Variants in SFI1 observed in about 807,000 individuals in gnomAD.
The protein encoded by SFI1 is protein SFI1 homolog.
SFI1 carries 195 observed loss-of-function variants against 207.5 expected under a neutral mutation model. The ratio of observed to expected loss-of-function variants is 0.94; its 90% CI spans 0.84 to 1.06. The LOEUF is 1.06. Ranked by LOEUF, SFI1 falls within the 50% of genes least tolerant of loss-of-function variation. The pLI is 0.00. For missense variants in SFI1, 1,634 were observed against 1,588.0 expected, an observed-to-expected ratio of 1.03 and a Z score of -0.49; for synonymous variants, 630 against 598.9, an observed-to-expected ratio of 1.05 and a Z score of -0.76.
chr22:31,520,892 T>G (rs2057147980), intron 2 of SFI1, among the ~76,000 whole-genome samples: 2 of 149,964 alleles, frequency 1.3e-5, no homozygotes. Context: ...TAGTACCAGC[T>G]GCTCAGGAGT....
intron 4 of SFI1, among the ~76,000 whole-genome samples, chr22:31,543,212 C>T (rs1217123240): frequency 2.0e-5 from 3 of 147,874 alleles, no homozygotes; most frequent in Admixed American, 6.7e-5. Context: ...CCTCATGATC[C>T]ACCCGCCTTG....
chr22:31,555,462 T>C (rs2061074485), intron 6 of SFI1, among the ~76,000 whole-genome samples: 1 of 152,214 alleles, frequency 6.6e-6, no homozygotes, highest in African/African-American at 2.4e-5. Context: ...CATTCACTCT[T>C]GGACTGTTAA....
chr22:31,509,390 G>T (rs2055157262), intron 2 of SFI1, among the ~76,000 whole-genome samples: 1 of 152,234 alleles, frequency 6.6e-6, no homozygotes, highest in Admixed American at 6.5e-5. Flanking sequence ...CCAAAGGCTT[G>T]TGAGCCCCTG....
At position 31,603,834 on chromosome 22, in the gene SFI1, C is replaced by T. The variant is rs765729934; in HGVS notation, c.1881+15C>T. The T allele has an allele frequency of 7.6e-6, 12 of 1,572,822 alleles. No homozygotes were observed. The highest frequency in any genetic ancestry group is 2.4e-5 in the East Asian group (1 of 41,508). ...AGTGGAGGGAGGTAAGGCTTTGGTGCGAGGTGCCACCCGTGTATGACTTTT... is the reference window on the plus strand; with the variant it reads ...AGTGGAGGGAGGTAAGGCTTTGGTGTGAGGTGCCACCCGTGTATGACTTTT... On this transcript the variant is annotated intron_variant, in intron 18 of 32. Coordinates refer to ENST00000400288, the MANE Select transcript of SFI1 (RefSeq NM_001007467.3).
intron 19 of SFI1, 100 bp from the exon 20 acceptor site, chr22:31,604,769 C>G: frequency 9.1e-7 from 1 of 1,101,908 alleles, no homozygotes; most frequent in Non-Finnish European, 1.3e-6. Flanking sequence ...TTTGAGTTCT[C>G]TGGGCATGGC....
At chr22:31,589,396 GT>G in intron 14 of SFI1, 50 bp from the exon 15 acceptor site, 1 of 1,459,276 alleles carries the variant, frequency 6.9e-7, no homozygotes, top group Non-Finnish European at 9.1e-7. Flanking sequence ...GAGAGGTCAT[GT>G]TTAAAAAAAA....
At chr22:31,574,110 TTTAAC>T (rs1408752734) in intron 9 of SFI1, among the ~76,000 whole-genome samples, 2 of 152,218 alleles carry the variant, frequency 1.3e-5, no homozygotes, top group South Asian at 2.1e-4. Flanking sequence ...TAGTACACTT[TTTAAC>T]TTAAGTTTAT....
intron 2 of SFI1, among the ~76,000 whole-genome samples, chr22:31,521,002 C>CAAAAAA (rs57346699): frequency 6.3e-5 from 3 of 47,486 alleles, no homozygotes; most frequent in African/African-American, 1.7e-4. Context: ...GACCCTGTCT[C>CAAAAAA]AAAAAAAAAA....
At chr22:31,616,948 C>G (rs2071645805) in intron 30 of SFI1, 52 bp from the exon 31 acceptor site, 1 of 1,613,220 alleles carries the variant, frequency 6.2e-7, no homozygotes, top group African/African-American at 1.3e-5. Flanking sequence ...GCTATTTACC[C>G]TGGTCCCCGA....
At chr22:31,602,324 A>G (rs769706378) in intron 16 of SFI1, 31 bp downstream of exon 16, 2 of 1,597,826 alleles carry the variant, frequency 1.3e-6, no homozygotes, top group Non-Finnish European at 8.6e-7. Context: ...AGATGTGTGG[A>G]GGGGCAGGAT....
intron 8 of SFI1, among the ~76,000 whole-genome samples, chr22:31,571,941 AT>A (rs987911310): frequency 5.9e-5 from 9 of 152,034 alleles, no homozygotes; most frequent in African/African-American, 1.7e-4. Context: ...GCACATTGAT[AT>A]GCTGATTTCA....
intron 7 of SFI1, among the ~76,000 whole-genome samples, chr22:31,558,269 G>A (rs73400214): frequency 6.6e-6 from 1 of 152,158 alleles, no homozygotes; most frequent in Non-Finnish European, 1.5e-5. Context: ...GTTCAAACCT[G>A]TAATCCCAAC....
rs138663030 is a variant in SFI1, at chr22:31,507,649, A to G, written c.-30-606A>G. The stretch of plus-strand genomic sequence containing the variant: ...TCTAACATCTAGCATTTACAACATT[A>G]TGAGATAAAAACAGCCCCATTAAGA... On this transcript the variant is annotated intron_variant, in intron 1 of 32. Transcript: ENST00000400288. Among the ~76,000 whole-genome samples the G allele has an allele frequency of 2.6e-5, 4 of 152,316 alleles. No homozygotes were observed. The East Asian group carries it at 7.7e-4, about 29-fold the overall frequency.
intron 4 of SFI1, among the ~76,000 whole-genome samples, chr22:31,543,250 G>T (rs1430106468): frequency 6.6e-5 from 10 of 152,096 alleles, no homozygotes; most frequent in Non-Finnish European, 2.9e-5. Context: ...GATTACAGGC[G>T]TGACCTAATT....
intron 8 of SFI1, among the ~76,000 whole-genome samples, chr22:31,568,175 GTGTGTGTGTGTGTGTGTGT>G (rs1390996740): frequency 7.4e-4 from 88 of 119,514 alleles, no homozygotes; most frequent in Admixed American, 1.4e-3. Context: ...ATGTGTGTGT[GTGTGTGTGTGTGTGTGTGT>G]TGTGTGTGTG....
intron 4 of SFI1, among the ~76,000 whole-genome samples, chr22:31,541,142 C>T (rs902906183): frequency 6.6e-6 from 1 of 152,158 alleles, no homozygotes; most frequent in Non-Finnish European, 1.5e-5. Context: ...CACAGCTCCT[C>T]GCCTCCTGAT....
At chr22:31,536,989 A>G (rs2059057627) in intron 4 of SFI1, among the ~76,000 whole-genome samples, 1 of 151,354 alleles carries the variant, frequency 6.6e-6, no homozygotes, top group South Asian at 2.1e-4. Context: ...CACTCAAGCG[A>G]TCCTCCCTGC....
At chr22:31,613,962 G>A (rs141491172) in intron 27 of SFI1, 107 bp downstream of exon 27, 17,648 of 1,385,068 alleles carry the variant, frequency 0.013, 126 homozygotes, top group Middle Eastern at 0.016. Context: ...GCTGGTCACG[G>A]CCTTGTCACA....
chr22:31,587,272 C>A, intron 14 of SFI1: 1 of 325,406 alleles, frequency 3.1e-6, no homozygotes, highest in Non-Finnish European at 6.7e-6. Flanking sequence ...TACAGGAGGA[C>A]TGTGTAGGTT....
Sources: allele counts gnomAD v4.1 joint callset (sites outside exome capture counted in the v4.1 genomes callset), GRCh38; gene constraint gnomAD v4.1.1; transcripts MANE v1.5; gene names NCBI Gene and HGNC (gene_info 2026-07-23, HGNC 2026-07-21).